NAA16: variants seen among roughly 807,000 people sequenced by gnomAD.
The protein encoded by NAA16 is N-alpha-acetyltransferase 16, NatA auxiliary subunit, also known as NARG1-like protein.
Under a neutral mutation model 110.3 loss-of-function variants are expected in NAA16, and 97 were observed. The ratio of observed to expected loss-of-function variants is 0.88; its 90% CI spans 0.75 to 1.04. The LOEUF (loss-of-function observed/expected upper bound fraction) is 1.04. NAA16 is among the 50% of genes least tolerant of loss of function. The probability of loss-of-function intolerance (pLI) is 0.00; values close to 1 mark genes in which losing one functional copy is unlikely to be tolerated. For missense variants in NAA16, 1,017 were observed against 1,005.1 expected, an observed-to-expected ratio of 1.01 and a Z score of -0.16; for synonymous variants, 372 against 330.6, an observed-to-expected ratio of 1.13 and a Z score of -1.36.
intron 9 of NAA16, among the ~76,000 whole-genome samples, chr13:41,339,300 C>A (rs570537392): frequency 1.1e-4 from 16 of 151,892 alleles, no homozygotes; most frequent in African/African-American, 3.6e-4. Flanking sequence ...CCACCACGCC[C>A]GGCTAATTTT....
rs372665855 is a variant in NAA16 at position 41,320,722 on chromosome 13, A to C, written c.300A>C (p.Ile100=). ...QRSDKKYDEA[I]KCYRNALKLD... is the part of the protein sequence containing the mutation. Reference sequence around the variant, plus strand: ...CTGATAAAAAATATGATGAAGCTATAAAATGTTACCGAAATGCCCTCAAAT... The same window carrying C: ...CTGATAAAAAATATGATGAAGCTATCAAATGTTACCGAAATGCCCTCAAAT... The change falls in exon 4 of 20, where the codon ATA becomes ATC. Residue 100 remains isoleucine, a synonymous_variant. Coordinates refer to ENST00000379406, the MANE Select transcript of NAA16 (RefSeq NM_024561.5). The C allele has an allele frequency of 2.5e-6, 4 of 1,613,116 alleles. No individual in the cohort carries two copies. In the African/African-American group the frequency reaches 5.3e-5, roughly 22 times the overall value.
At chr13:41,339,117 G>GTTT (rs1157940223) in intron 9 of NAA16, among the ~76,000 whole-genome samples, 12 of 19,064 alleles carry the variant, frequency 6.3e-4, no homozygotes, top group African/African-American at 1.2e-3. Context: ...TGTATTTCTT[G>GTTT]TTTTTGTTGT....
chr13:41,368,851 G>T (rs1485779534), intron 14 of NAA16, among the ~76,000 whole-genome samples: 1 of 152,116 alleles, frequency 6.6e-6, no homozygotes, highest in Non-Finnish European at 1.5e-5. Context: ...CAAAAGGAAG[G>T]TGAAAGATTT....
At chr13:41,336,432 T>C (rs1254180260) in intron 8 of NAA16, among the ~76,000 whole-genome samples, 1 of 152,232 alleles carries the variant, frequency 6.6e-6, no homozygotes, top group African/African-American at 2.4e-5. Flanking sequence ...AGCTGTAGAC[T>C]GAGTGTGCTA....
intron 9 of NAA16, chr13:41,354,597 C>T (rs1300609091): frequency 6.6e-6 from 1 of 152,196 alleles, no homozygotes; most frequent in African/African-American, 2.4e-5. Context: ...GTCATCCTTT[C>T]ACAGGCGCCA....
At chr13:41,330,045 G>T (rs1231766402) in intron 7 of NAA16, among the ~76,000 whole-genome samples, 4 of 151,048 alleles carry the variant, frequency 2.6e-5, no homozygotes, top group African/African-American at 9.7e-5. Flanking sequence ...TTTCATACTT[G>T]GCGCTTGTTG....
intron 13 of NAA16, 37 bp from the exon 14 acceptor site, chr13:41,367,401 TA>T: frequency 7.1e-7 from 1 of 1,414,190 alleles, no homozygotes. Context: ...ATTATTGACA[TA>T]AATGTAAAGG....
chr13:41,357,202 T>G (rs577500278), intron 10 of NAA16, among the ~76,000 whole-genome samples: 1 of 152,302 alleles, frequency 6.6e-6, no homozygotes, highest in Non-Finnish European at 1.5e-5. Context: ...TCACCTGTAG[T>G]CCCAGCTACT....
chr13:41,316,850 G>A lies in NAA16; in HGVS notation c.59G>A (p.Cys20Tyr). 3 of 1,608,364 alleles carry A rather than the reference G, an allele frequency of 1.9e-6. No individual in the cohort carries two copies. The highest frequency in any genetic ancestry group is 2.6e-6 in the Non-Finnish European group (3 of 1,175,054). ...TTTGTTCATATTTCTTTACAGAAATGTTATGAACAGAAGCAGTACAAAAAT... is the reference window on the plus strand; with the variant it reads ...TTTGTTCATATTTCTTTACAGAAATATTATGAACAGAAGCAGTACAAAAAT... ...ESNLFKRILK[C>Y]YEQKQYKNGL... Residue 20 changes from cysteine (C) to tyrosine (Y), a missense_variant, in exon 2 of 20, where the codon TGT (cysteine) becomes TAT (tyrosine). Coordinates refer to ENST00000379406, the MANE Select transcript of NAA16 (RefSeq NM_024561.5).
chr13:41,354,323 T>G (rs962857035), intron 9 of NAA16, among the ~76,000 whole-genome samples: 3 of 152,186 alleles, frequency 2.0e-5, no homozygotes, highest in African/African-American at 7.2e-5. Context: ...ATAAAGCTAA[T>G]TAAATTATAC....
chr13:41,316,647 AAAAATG>A (rs1566238854), intron 1 of NAA16, among the ~76,000 whole-genome samples, 193 bp from the exon 2 acceptor site: 1 of 152,170 alleles, frequency 6.6e-6, no homozygotes, highest in Non-Finnish European at 1.5e-5. Flanking sequence ...GGTCTTTTAT[AAAAATG>A]AAAATATGTA....
At chr13:41,318,607 G>T (rs2041867877) in intron 2 of NAA16, among the ~76,000 whole-genome samples, 199 bp from the exon 3 acceptor site, 1 of 152,184 alleles carries the variant, frequency 6.6e-6, no homozygotes, top group African/African-American at 2.4e-5. Context: ...TTCAGAAAAG[G>T]ACTTGGGCTG....
chr13:41,323,009 A>G (rs1188410271), intron 4 of NAA16, 47 bp from the exon 5 acceptor site: 1 of 1,531,708 alleles, frequency 6.5e-7, no homozygotes, highest in African/African-American at 1.4e-5. Flanking sequence ...AAAACTGATG[A>G]AATAATGTTT....
intron 9 of NAA16, among the ~76,000 whole-genome samples, chr13:41,344,493 G>A (rs2042632400): frequency 6.6e-6 from 1 of 152,176 alleles, no homozygotes; most frequent in South Asian, 2.1e-4. Context: ...GTTTTTGATT[G>A]TCGCTGCAGT....
rs1486397130 is a variant in NAA16 at position 41,311,327 on chromosome 13, G to A, written c.-202G>A. ...AAAAAGCGGAGCCCAGGGGAAGCGT[G>A]TCCTGCTCAGACCGCCTTCCTTCTC... On this transcript the variant is annotated 5_prime_UTR_variant, in exon 1 of 20. Coordinates refer to ENST00000379406, the MANE Select transcript of NAA16 (RefSeq NM_024561.5). 2 of 588,718 alleles carry A rather than the reference G, an allele frequency of 3.4e-6. No homozygotes were observed. Among genetic ancestry groups the A allele is most frequent in the South Asian group, 2.0e-5 (1 of 48,872 alleles). 36.5% of individuals were successfully genotyped at this position (588,718 alleles called of 1,614,324 possible).
At position 41,331,257 on chromosome 13, in the gene NAA16, A is replaced by G. The variant is rs373199165; in HGVS notation, c.812-17A>G. On this transcript the variant is annotated splice_polypyrimidine_tract_variant and intron_variant, in intron 7 of 19. Coordinates refer to ENST00000379406, the MANE Select transcript of NAA16 (RefSeq NM_024561.5). ...AGTTTTGATGCTATGAATCTCACCC[A>G]TATTTACTGATAATAGGCACTTTAG... 4.9e-5 allele frequency: 73 copies of G among 1,503,594 alleles called. No individual in the cohort carries two copies. The highest frequency in any genetic ancestry group is 6.1e-5 in the Non-Finnish European group (66 of 1,087,498). 93.1% of individuals were successfully genotyped at this position (1,503,594 alleles called of 1,614,324 possible).
intron 9 of NAA16, among the ~76,000 whole-genome samples, chr13:41,353,938 A>T (rs890390083): frequency 1.3e-5 from 2 of 152,208 alleles, no homozygotes; most frequent in African/African-American, 4.8e-5. Flanking sequence ...TTTGTTTTTT[A>T]AAAAAGAAAA....
rs530475751 is a variant in NAA16, at chr13:41,369,237, A to C, written c.1901A>C (p.Glu634Ala). 7.4e-5 allele frequency: 117 copies of C among 1,589,968 alleles called. No homozygotes were observed. Among genetic ancestry groups the C allele is most frequent in the East Asian group, 6.9e-4 (31 of 44,636 alleles). ...QKKKRDEEEE[E>A]ASGLKEELIP... ...AAAAAAAGAGATGAAGAAGAAGAAG[A>C]AGCCAGTGGCCTTAAGGAAGAACTT... Residue 634 changes from glutamate to alanine, a missense_variant, in exon 15 of 20, where the codon GAA becomes GCA. Physicochemically the swap from Glu to Ala is moderately radical, Grantham distance 107. Coordinates refer to ENST00000379406, the MANE Select transcript of NAA16 (RefSeq NM_024561.5).
Position 41,369,214 on chromosome 13 carries a change from A to T in NAA16, c.1878A>T (p.Lys626Asn). 1.3e-6 allele frequency: 2 copies of T among 1,598,648 alleles called. No individual in the cohort carries two copies. Among genetic ancestry groups the T allele is most frequent in the South Asian group, 2.3e-5 (2 of 86,554 alleles). ...ERERQQKNQK[K>N]KRDEEEEEAS... ...AACGTCAACAGAAAAATCAAAAGAA[A>T]AAAAGAGATGAAGAAGAAGAAGAAG... The change falls in exon 15 of 20, where the codon AAA (lysine) becomes AAT (asparagine). Residue 626 changes from lysine to asparagine, a missense_variant. Physicochemically the swap from Lys to Asn is moderately conservative, Grantham distance 94. Coordinates refer to ENST00000379406, the MANE Select transcript of NAA16 (RefSeq NM_024561.5).
Sources: gnomAD v4.1 joint callset for allele counts (sites outside exome capture counted in the v4.1 genomes callset) on GRCh38, gnomAD v4.1.1 for gene constraint, MANE v1.5 for transcripts, NCBI Gene and HGNC (gene_info 2026-07-23, HGNC 2026-07-21) for gene names.